Variants in EWSR1 observed in about 807,000 individuals in gnomAD.
The protein encoded by EWSR1 is RNA-binding protein EWS.
A neutral mutation model predicts 92.1 loss-of-function variants in EWSR1; 14 were observed. That is an observed-to-expected ratio of 0.15 (90% confidence interval 0.10 to 0.24). The LOEUF is 0.24. EWSR1 is among the 10% of genes least tolerant of loss of function. EWSR1 has a pLI of 1.00. For synonymous variants in EWSR1, 303 were observed against 292.9 expected (o/e 1.03, Z -0.35); for missense variants, 637 against 870.9 (o/e 0.73, Z 3.38).
intron 11 of EWSR1, 46 bp from the exon 12 acceptor site, chr22:29,296,193 A>G: frequency 6.4e-7 from 1 of 1,572,582 alleles, no homozygotes; most frequent in Non-Finnish European, 8.6e-7. Context: ...TTTTCTCCCA[A>G]ATTAGTATAT....
intron 6 of EWSR1, among the ~76,000 whole-genome samples, chr22:29,284,857 T>G (rs2059899973): frequency 6.6e-6 from 1 of 151,362 alleles, no homozygotes; most frequent in Non-Finnish European, 1.5e-5. Flanking sequence ...TTCACTCCTG[T>G]TACCTAGGCT....
intron 5 of EWSR1, among the ~76,000 whole-genome samples, chr22:29,280,859 GTTGTTT>G (rs1569072760): frequency 2.3e-4 from 21 of 91,020 alleles, no homozygotes; most frequent in African/African-American, 7.5e-4. Flanking sequence ...GTGTGTGTGT[GTTGTTT>G]TTTTTTTTTT....
intron 4 of EWSR1, chr22:29,275,914 CTTT>C (rs200310578): frequency 0.053 from 11,835 of 221,388 alleles, 431 homozygotes; most frequent in Non-Finnish European, 0.077. Context: ...TGCCACTGGT[CTTT>C]TGTTTTTTTG....
At chr22:29,295,944 C>T (rs1602544649) in intron 11 of EWSR1, 1 of 354,468 alleles carries the variant, frequency 2.8e-6, no homozygotes, top group Non-Finnish European at 5.3e-6. Flanking sequence ...TCAGTGGATA[C>T]CTGTCTGGGC....
chr22:29,268,294 A>G lies in EWSR1; in HGVS notation c.-43A>G, dbSNP rs1023624461. On this transcript the variant is annotated 5_prime_UTR_variant, in exon 1 of 17. Transcript: ENST00000397938. ...CAGTGCGGCGCCTAGAGGGAAAGCGAGAGGGAGACGGACGTTGAGAGAACG... is the reference window on the plus strand; with the variant it reads ...CAGTGCGGCGCCTAGAGGGAAAGCGGGAGGGAGACGGACGTTGAGAGAACG... The G allele has an allele frequency of 6.2e-7, 1 of 1,609,250 alleles. No homozygotes were observed. The highest frequency in any genetic ancestry group is 1.7e-5 in the Admixed American group (1 of 60,018).
intron 4 of EWSR1, chr22:29,277,529 C>G (rs1003254905): frequency 3.1e-5 from 7 of 227,808 alleles, no homozygotes; most frequent in African/African-American, 1.1e-4. Context: ...TAATTACTAC[C>G]CAAATTACAG....
intron 4 of EWSR1, chr22:29,275,761 AAG>A: frequency 4.4e-6 from 1 of 229,770 alleles, no homozygotes; most frequent in Non-Finnish European, 8.6e-6. Context: ...CTTCAGAAGA[AAG>A]GGGTTATATA....
In EWSR1 at chr22:29,297,845, G is replaced by C. The variant is rs752642647; in HGVS notation, c.1313G>C (p.Ser438Thr). The C allele has an allele frequency of 5.0e-6, 8 of 1,614,048 alleles. No homozygotes were observed. In the South Asian group the frequency reaches 8.8e-5, roughly 18 times the overall value. Residue 438 changes from serine (S) to threonine (T), a missense_variant, in exon 13 of 17, where the codon AGC becomes ACC. Ser to Thr is a moderately conservative substitution (Grantham distance 58). Coordinates refer to ENST00000397938, the MANE Select transcript of EWSR1 (RefSeq NM_005243.4). ...GTTCCAGGGAAAGATTTTCAAGGGA[G>C]CAAACTTAAAGTCTCCCTTGCTCGG... ...EWFDGKDFQG[S>T]KLKVSLARKK...
chr22:29,285,504 T>C (rs1468806025), intron 6 of EWSR1, among the ~76,000 whole-genome samples: 1 of 151,400 alleles, frequency 6.6e-6, no homozygotes, highest in Non-Finnish European at 1.5e-5. Flanking sequence ...ATCTTAATAT[T>C]TGTCTTTCAT....
chr22:29,292,571 C>A lies in EWSR1; in HGVS notation c.1129C>A (p.Leu377Met). Reference sequence around the variant, plus strand: ...AAATGACAGTGTGACTCTAGATGATCTGGCAGACTTCTTTAAGCAGTGTGG... The same window carrying A: ...AAATGACAGTGTGACTCTAGATGATATGGCAGACTTCTTTAAGCAGTGTGG... The part of the protein sequence containing the change: ...GLNDSVTLDD[L>M]ADFFKQCGVV... Residue 377 changes from leucine (L) to methionine (M), a missense_variant, in exon 11 of 17, where the codon CTG (leucine) becomes ATG (methionine). By Grantham distance (15) the Leu-to-Met change is conservative. This residue lies in a region of EWSR1 where 363 missense variants were observed against 447.8 expected (regional missense o/e 0.81). Coordinates refer to ENST00000397938, the MANE Select transcript of EWSR1 (RefSeq NM_005243.4). 6.2e-7 allele frequency: 1 copy of A among 1,613,868 alleles called. No homozygotes were observed. Among genetic ancestry groups the A allele is most frequent in the South Asian group, 1.1e-5 (1 of 91,072 alleles).
At chr22:29,299,030 C>A (rs1023854429) in intron 14 of EWSR1, 135 bp downstream of exon 14, 26 of 1,312,116 alleles carry the variant, frequency 2.0e-5, no homozygotes, top group Non-Finnish European at 2.6e-5. Context: ...GGACACTAGT[C>A]AGCCATTCAC....
At chr22:29,273,452 T>A (rs1602206021) in intron 3 of EWSR1, among the ~76,000 whole-genome samples, 1 of 152,032 alleles carries the variant, frequency 6.6e-6, no homozygotes, top group Non-Finnish European at 1.5e-5. Context: ...TTAACTGAGG[T>A]TTTGCCTGAT....
intron 2 of EWSR1, 34 bp downstream of exon 2, chr22:29,272,286 T>G (rs1452339018): frequency 6.2e-7 from 1 of 1,613,594 alleles, no homozygotes; most frequent in Non-Finnish European, 8.5e-7. Context: ...ATTTTGTGTG[T>G]GATTAATATT....
chr22:29,275,088 A>C (rs555425337), intron 4 of EWSR1, among the ~76,000 whole-genome samples: 3 of 152,310 alleles, frequency 2.0e-5, no homozygotes, highest in East Asian at 3.9e-4. Flanking sequence ...GTGTTTCTCA[A>C]ATAGGATGGG....
At chr22:29,274,325 T>A (rs760617022) in intron 4 of EWSR1, 1 of 1,607,508 alleles carries the variant, frequency 6.2e-7, no homozygotes, top group Non-Finnish European at 8.5e-7. Flanking sequence ...ATGCTTTCCA[T>A]CTTGTCTAAC....
intron 6 of EWSR1, among the ~76,000 whole-genome samples, chr22:29,283,250 C>T (rs2059754844): frequency 6.6e-6 from 1 of 152,196 alleles, no homozygotes; most frequent in Non-Finnish European, 1.5e-5. Flanking sequence ...CATTATAATT[C>T]ACCTTAATCA....
rs984203404 is a variant in EWSR1 at position 29,276,321 on chromosome 22, CTT to C, written c.227-1706_227-1705del. 3.5e-5 allele frequency: 8 copies of C among 228,918 alleles called. No individual in the cohort carries two copies. In the South Asian group the frequency reaches 5.4e-4, roughly 16 times the overall value. The allele number at this position is 228,918 out of a possible 1,614,324, so 14.2% of individuals were successfully genotyped here. A position where few individuals can be genotyped will look rare whatever the true frequency, so the allele number is the denominator to read the frequency against. ...GATGAACAACATGCCAACTCAAAAA[CTT>C]TTATTGCTTGGGGCTTCCTGTTTTC... On this transcript the variant is annotated intron_variant, in intron 4 of 16. Coordinates refer to ENST00000397938, the MANE Select transcript of EWSR1 (RefSeq NM_005243.4).
chr22:29,299,885 A>C (rs769143583), intron 16 of EWSR1, 34 bp downstream of exon 16: 1 of 1,532,176 alleles, frequency 6.5e-7, no homozygotes, highest in African/African-American at 1.4e-5. Context: ...GTGGGCCGCC[A>C]GGCACAGTAA....
At chr22:29,288,129 T>C (rs1195275161) in intron 7 of EWSR1, among the ~76,000 whole-genome samples, 1 of 152,230 alleles carries the variant, frequency 6.6e-6, no homozygotes, top group African/African-American at 2.4e-5. Flanking sequence ...CACATAATTA[T>C]CTTCAGAATT....
Sources: allele counts gnomAD v4.1 joint callset (sites outside exome capture counted in the v4.1 genomes callset), GRCh38; gene constraint gnomAD v4.1.1; regional missense constraint gnomAD v4.1.1; transcripts MANE v1.5; gene names NCBI Gene and HGNC (gene_info 2026-07-23, HGNC 2026-07-21).